The following ARHGEF28 variants were observed in gnomAD, a reference collection of about 807,000 sequenced individuals.
ARHGEF28 encodes the protein Rho guanine nucleotide exchange factor 28.
In ARHGEF28, 152 loss-of-function variants were observed where a neutral mutation model predicts 206.6. That is an observed-to-expected ratio of 0.74 (90% CI 0.64 to 0.84). The LOEUF (loss-of-function observed/expected upper bound fraction) is 0.84. ARHGEF28 is among the 40% of genes least tolerant of loss of function. The pLI, the probability that ARHGEF28 is intolerant of heterozygous loss-of-function variation, is 0.00. For synonymous variants in ARHGEF28, 763 were observed against 776.4 expected (o/e 0.98, Z 0.29); for missense variants, 2,028 against 2,073.2 (o/e 0.98, Z 0.42).
chr5:73,643,419 A>T (rs1744244163), intron 1 of ARHGEF28, among the ~76,000 whole-genome samples: 1 of 152,370 alleles, frequency 6.6e-6, no homozygotes, highest in South Asian at 2.1e-4. Context: ...AGTGCAATTT[A>T]GTGGTTGCCT....
chr5:73,935,026 AC>A lies in ARHGEF28; in HGVS notation c.4949-5817del, dbSNP rs138714011. The stretch of plus-strand genomic sequence containing the variant: ...AGCATGAGAGTGAATCAAAGTTCAG[AC>A]AGCAGAGAGGACTGATGTACTGTAT... On this transcript the variant is annotated intron_variant, in intron 35 of 35. Transcript: ENST00000513042. Among the ~76,000 whole-genome samples, 5 of 152,334 alleles carry A rather than the reference AC, an allele frequency of 3.3e-5. No individual in the cohort carries two copies. In the East Asian group the frequency reaches 9.7e-4, roughly 29 times the overall value.
intron 9 of ARHGEF28, among the ~76,000 whole-genome samples, chr5:73,804,889 T>C (rs75115967): frequency 0.019 from 2,969 of 152,334 alleles, 101 homozygotes; most frequent in African/African-American, 0.068. Context: ...TTACTCTTCC[T>C]CACCTGCCTT....
chr5:73,863,956 G>T (rs1759550648), intron 16 of ARHGEF28, among the ~76,000 whole-genome samples: 1 of 152,078 alleles, frequency 6.6e-6, no homozygotes, highest in Non-Finnish European at 1.5e-5. Context: ...TTCTTGTTGG[G>T]TCACTGGCAT....
Position 73,909,461 on chromosome 5 carries a change from T to C in ARHGEF28, c.4211T>C (p.Leu1404Pro). 6.2e-7 allele frequency: 1 copy of C among 1,612,988 alleles called. No individual in the cohort carries two copies. The highest frequency in any genetic ancestry group is 1.1e-5 in the South Asian group (1 of 90,964). ...DSHIEIHRLVLQQQEGLSLGH... is the reference protein window; with the variant it reads ...DSHIEIHRLVPQQQEGLSLGH... Reference sequence around the variant, plus strand: ...CACATTGAGATCCACAGGCTGGTTCTCCAGCAGCAGGAGGGCCTGTCTCTC... The same window carrying C: ...CACATTGAGATCCACAGGCTGGTTCCCCAGCAGCAGGAGGGCCTGTCTCTC... Residue 1404 changes from leucine (L) to proline (P), a missense_variant, in exon 34 of 36, where the codon CTC becomes CCC. Coordinates refer to ENST00000513042, the MANE Select transcript of ARHGEF28 (RefSeq NM_001177693.2).
chr5:73,737,522 C>CT (rs1270204631), intron 2 of ARHGEF28, among the ~76,000 whole-genome samples: 1 of 120,832 alleles, frequency 8.3e-6, no homozygotes, highest in South Asian at 2.6e-4. Flanking sequence ...CTTTTCTTTT[C>CT]TTTTTTGTGA....
At chr5:73,822,449 A>T (rs992262009) in intron 9 of ARHGEF28, among the ~76,000 whole-genome samples, 7 of 152,208 alleles carry the variant, frequency 4.6e-5, no homozygotes, top group African/African-American at 1.7e-4. Context: ...TTTAGCTTAC[A>T]TATGACCCAC....
chr5:73,788,723 A>T (rs1304646016), intron 7 of ARHGEF28, among the ~76,000 whole-genome samples: 1 of 152,180 alleles, frequency 6.6e-6, no homozygotes, highest in East Asian at 1.9e-4. Flanking sequence ...TTGTCAAAAA[A>T]TCTCCAAAAA....
chr5:73,827,448 C>T (rs182842985), intron 9 of ARHGEF28, among the ~76,000 whole-genome samples: 3 of 152,318 alleles, frequency 2.0e-5, no homozygotes. Flanking sequence ...CTTACTATGT[C>T]AGAGTCTGCT....
intron 22 of ARHGEF28, among the ~76,000 whole-genome samples, chr5:73,880,559 C>T (rs112741365): frequency 8.5e-5 from 13 of 152,320 alleles, no homozygotes; most frequent in African/African-American, 1.4e-4. Context: ...TGTTCCTATT[C>T]GGCCATCTTG....
At chr5:73,909,045 G>A (rs1762710735) in intron 33 of ARHGEF28, 1 of 171,840 alleles carries the variant, frequency 5.8e-6, no homozygotes, top group African/African-American at 2.4e-5. Flanking sequence ...CAGCAAGAGA[G>A]TGAGATGTAG....
At chr5:73,878,121 A>G (rs952377846) in intron 22 of ARHGEF28, among the ~76,000 whole-genome samples, 2 of 152,026 alleles carry the variant, frequency 1.3e-5, no homozygotes, top group Non-Finnish European at 2.9e-5. Context: ...TATTGGGTGC[A>G]TGTATATTTA....
At chr5:73,666,473 G>A (rs1745962378) in intron 1 of ARHGEF28, among the ~76,000 whole-genome samples, 1 of 152,172 alleles carries the variant, frequency 6.6e-6, no homozygotes, top group Admixed American at 6.5e-5. Flanking sequence ...CTCCATTCCT[G>A]TGACAAGTCT....
At position 73,898,107 on chromosome 5, in the gene ARHGEF28, C is replaced by T. The variant is rs1762065630; in HGVS notation, c.3973+14C>T. ...CACCGACTGCCTGTAAGTGAAAATG[C>T]AGGCCTTGGCAATGAGCCTGAGCAC... On this transcript the variant is annotated intron_variant, in intron 30 of 35. Transcript: ENST00000513042. 6.8e-6 allele frequency: 11 copies of T among 1,607,874 alleles called. No individual in the cohort carries two copies. Among genetic ancestry groups the T allele is most frequent in the Non-Finnish European group, 9.3e-6 (11 of 1,176,902 alleles).
intron 7 of ARHGEF28, among the ~76,000 whole-genome samples, chr5:73,789,392 G>C (rs1754332377): frequency 6.6e-6 from 1 of 152,186 alleles, no homozygotes; most frequent in South Asian, 2.1e-4. Context: ...CTGGGGTGTG[G>C]AAGGAGGATG....
intron 9 of ARHGEF28, among the ~76,000 whole-genome samples, chr5:73,823,347 C>T (rs1251824570): frequency 1.3e-5 from 2 of 152,164 alleles, no homozygotes; most frequent in African/African-American, 4.8e-5. Flanking sequence ...TAAAATTACA[C>T]AGCTTTACTT....
chr5:73,725,938 A>G (rs1265335983), intron 2 of ARHGEF28, among the ~76,000 whole-genome samples: 2 of 152,228 alleles, frequency 1.3e-5, no homozygotes, highest in Non-Finnish European at 2.9e-5. Context: ...CTCAACTGCA[A>G]GACATACATT....
At chr5:73,824,853 G>C (rs944767319) in intron 9 of ARHGEF28, among the ~76,000 whole-genome samples, 1 of 152,026 alleles carries the variant, frequency 6.6e-6, no homozygotes, top group South Asian at 2.1e-4. Context: ...GTGATCAGTA[G>C]ACACTCAGTA....
Position 73,882,589 on chromosome 5 carries a change from A to G in ARHGEF28, c.2932A>G (p.Ile978Val). The G allele has an allele frequency of 6.7e-7, 1 of 1,488,902 alleles. No homozygotes were observed. Among genetic ancestry groups the G allele is most frequent in the Middle Eastern group, 1.7e-4 (1 of 5,830 alleles). 92.2% of individuals were successfully genotyped at this position (1,488,902 alleles called of 1,614,324 possible). A position where few individuals can be genotyped will look rare whatever the true frequency, so the allele number is the denominator to read the frequency against. The part of the protein sequence containing the change: ...LQQNKKFQNF[I>V]KLRNSNLLAR... ...GCAGAATAAAAAGTTTCAGAATTTT[A>G]TTAAGGCAAGTATTTTAAAACTTTA... The change falls in exon 23 of 36, where the codon ATT becomes GTT. Residue 978 changes from isoleucine (I) to valine (V), a missense_variant. Transcript: ENST00000513042.
At chr5:73,783,240 G>A (rs1753947582) in intron 7 of ARHGEF28, among the ~76,000 whole-genome samples, 1 of 152,084 alleles carries the variant, frequency 6.6e-6, no homozygotes. Flanking sequence ...AAGTGGCCCT[G>A]GAGCTGTGAT....
Sources: allele counts gnomAD v4.1 joint callset (sites outside exome capture counted in the v4.1 genomes callset), GRCh38; gene constraint gnomAD v4.1.1; transcripts MANE v1.5; gene names NCBI Gene and HGNC (gene_info 2026-07-23, HGNC 2026-07-21).